The following DNAH8 variants were observed in gnomAD, a reference collection of about 807,000 sequenced individuals.
DNAH8 encodes axonemal beta dynein heavy chain 8.
In DNAH8, 382 loss-of-function variants were observed where a neutral mutation model predicts 562.1. The ratio of observed to expected loss-of-function variants is 0.68; its 90% CI spans 0.63 to 0.74. DNAH8 has a LOEUF of 0.74. DNAH8 is among the 30% of genes least tolerant of loss of function. The pLI, the probability that DNAH8 is intolerant of heterozygous loss-of-function variation, is 0.00. For synonymous variants in DNAH8, 1,881 were observed against 1,919.4 expected, an observed-to-expected ratio of 0.98 and a Z score of 0.52; for missense variants, 5,203 against 5,620.4, an observed-to-expected ratio of 0.93 and a Z score of 2.37.
chr6:38,762,141 G>T (rs897170338), intron 11 of DNAH8, among the ~76,000 whole-genome samples: 1 of 152,062 alleles, frequency 6.6e-6, no homozygotes, highest in African/African-American at 2.4e-5. Context: ...AATAGACATG[G>T]TAGTAGTTGC....
intron 49 of DNAH8, among the ~76,000 whole-genome samples, chr6:38,871,664 T>C (rs143783487): frequency 3.3e-5 from 5 of 152,344 alleles, no homozygotes; most frequent in African/African-American, 9.6e-5. Flanking sequence ...CGGGATGTTA[T>C]AGCAGCGGCT....
At chr6:38,982,618 G>A (rs1462485163) in intron 86 of DNAH8, among the ~76,000 whole-genome samples, 156 bp downstream of exon 86, 7 of 152,192 alleles carry the variant, frequency 4.6e-5, no homozygotes, top group Non-Finnish European at 8.8e-5. Context: ...TGCTGGGGCA[G>A]CCTGTCCCTG....
intron 12 of DNAH8, among the ~76,000 whole-genome samples, chr6:38,772,324 A>G (rs1678652): frequency 0.25 from 38,704 of 151,974 alleles, 5,498 homozygotes; most frequent in East Asian, 0.46. Flanking sequence ...CACCACGCCC[A>G]GCTGAGGTTT....
rs141783416 is a variant in DNAH8 at position 38,818,407 on chromosome 6, A to G, written c.3523+2750A>G. ...TAAGAATTCTATTATCTGCAAAATTATCAACCAAGTACGATGTAAATAGAC... is the reference window on the plus strand; with the variant it reads ...TAAGAATTCTATTATCTGCAAAATTGTCAACCAAGTACGATGTAAATAGAC... On this transcript the variant is annotated intron_variant, in intron 26 of 92. Coordinates refer to ENST00000327475, the MANE Select transcript of DNAH8 (RefSeq NM_001206927.2). 5.1e-3 allele frequency among the ~76,000 whole-genome samples: 783 copies of G among 152,254 alleles called. 7 individuals are homozygous for G. The highest frequency in any genetic ancestry group is 0.018 in the African/African-American group (760 of 41,536).
intron 10 of DNAH8, among the ~76,000 whole-genome samples, chr6:38,756,611 C>G (rs1241104503): frequency 1.3e-5 from 2 of 151,748 alleles, no homozygotes; most frequent in Non-Finnish European, 2.9e-5. Flanking sequence ...TGTTGGTGTG[C>G]TGCACCCATT....
intron 3 of DNAH8, among the ~76,000 whole-genome samples, chr6:38,723,756 G>A (rs897372191): frequency 2.0e-5 from 3 of 151,966 alleles, no homozygotes; most frequent in Admixed American, 6.6e-5. Flanking sequence ...CGTACCTGTG[G>A]TCCCAGCTAC....
intron 10 of DNAH8, among the ~76,000 whole-genome samples, chr6:38,757,238 T>C (rs1295746962): frequency 6.6e-6 from 1 of 152,036 alleles, no homozygotes; most frequent in African/African-American, 2.4e-5. Flanking sequence ...TGGTATCTCA[T>C]TGTGGTTTTG....
chr6:39,011,886 A>G (rs142763002), intron 89 of DNAH8, among the ~76,000 whole-genome samples: 32 of 152,364 alleles, frequency 2.1e-4, no homozygotes, highest in African/African-American at 7.0e-4. Context: ...GTTAGATTGC[A>G]AAAAGAATAT....
intron 88 of DNAH8, among the ~76,000 whole-genome samples, chr6:39,001,095 G>A (rs1414606875): frequency 1.3e-5 from 2 of 152,240 alleles, no homozygotes; most frequent in East Asian, 3.9e-4. Context: ...ATGAGGGAGG[G>A]GGGTGCTTAA....
chr6:38,937,602 C>T (rs150695995), intron 77 of DNAH8, among the ~76,000 whole-genome samples: 3 of 152,222 alleles, frequency 2.0e-5, no homozygotes, highest in Non-Finnish European at 4.4e-5. Context: ...AGCTGTGACA[C>T]TTTGAGGAGA....
intron 65 of DNAH8, among the ~76,000 whole-genome samples, chr6:38,910,695 T>G (rs1780824286): frequency 6.6e-6 from 1 of 152,198 alleles, no homozygotes. Flanking sequence ...TTTTTATATG[T>G]TCTTAGGTTG....
chr6:38,853,578 T>C (rs1314045825), intron 41 of DNAH8, among the ~76,000 whole-genome samples: 1 of 152,062 alleles, frequency 6.6e-6, no homozygotes, highest in Non-Finnish European at 1.5e-5. Flanking sequence ...TATTTTCCCA[T>C]CATGAAGGAT....
rs1168572172 is a variant in DNAH8 at position 38,972,417 on chromosome 6, A to G, written c.12525+752A>G. Among the ~76,000 whole-genome samples, 3 of 152,162 alleles carry G rather than the reference A, an allele frequency of 2.0e-5. No individual in the cohort carries two copies. In the South Asian group the frequency reaches 6.2e-4, roughly 32 times the overall value. ...CTAGTCATTAATTCTCAAATGCCCTAAGCCTCAATCTTTATCACTTAATTA... is the reference window on the plus strand; with the variant it reads ...CTAGTCATTAATTCTCAAATGCCCTGAGCCTCAATCTTTATCACTTAATTA... On this transcript the variant is annotated intron_variant, in intron 83 of 92. Transcript: ENST00000327475.
chr6:39,019,853 C>T (rs906386796), intron 91 of DNAH8, among the ~76,000 whole-genome samples: 1 of 152,090 alleles, frequency 6.6e-6, no homozygotes, highest in African/African-American at 2.4e-5. Flanking sequence ...TGGCCAGAGG[C>T]TGTGGTTGTC....
intron 49 of DNAH8, 71 bp from the exon 50 acceptor site, chr6:38,872,465 C>G: frequency 6.7e-7 from 1 of 1,500,442 alleles, no homozygotes; most frequent in South Asian, 1.3e-5. Flanking sequence ...CTTTAATCTT[C>G]AAGTAGCTAC....
chr6:38,723,953 T>C (rs1762984674), intron 3 of DNAH8, among the ~76,000 whole-genome samples: 1 of 148,584 alleles, frequency 6.7e-6, no homozygotes, highest in Non-Finnish European at 1.5e-5. Context: ...GCCAGTTGAA[T>C]GGTATTTCTT....
intron 48 of DNAH8, among the ~76,000 whole-genome samples, chr6:38,869,959 C>G (rs1330411230): frequency 6.6e-6 from 1 of 152,154 alleles, no homozygotes; most frequent in Non-Finnish European, 1.5e-5. Context: ...TTGATGAACT[C>G]ACAGTTCCAC....
At position 39,012,269 on chromosome 6, in the gene DNAH8, A is replaced by G. The variant is rs935296041; in HGVS notation, c.13426A>G (p.Arg4476Gly). ...GHLNSMNIFL[R>G]QEIDRMQRVI... ...TCTTAATTCAATGAACATATTTCTT[A>G]GACAAGAAATTGACAGAATGCAAAG... Residue 4476 changes from arginine to glycine, a missense_variant, in exon 90 of 93, where the codon AGA becomes GGA. Around this residue, in one of 6 missense-constraint regions of DNAH8, gnomAD observed 1,399 missense variants for 1,518.4 expected, o/e 0.92. Transcript: ENST00000327475. 1.9e-6 allele frequency: 3 copies of G among 1,610,570 alleles called. No homozygotes were observed. In the African/African-American group the frequency reaches 4.0e-5, roughly 22 times the overall value.
rs1359753561 is a variant in DNAH8 at position 38,977,681 on chromosome 6, T to A, written c.12834+3152T>A. On this transcript the variant is annotated intron_variant, in intron 85 of 92. Transcript: ENST00000327475. ...TTAAGCACATTTTCCTCCAAAGTCT[T>A]AGTCTTTTGAAACTCAATCATTACA... Among the ~76,000 whole-genome samples the A allele has an allele frequency of 2.0e-5, 3 of 152,206 alleles. No homozygotes were observed. In the East Asian group the frequency reaches 5.8e-4, roughly 29 times the overall value.
Sources: gnomAD v4.1 joint callset for allele counts (sites outside exome capture counted in the v4.1 genomes callset) on GRCh38, gnomAD v4.1.1 for gene constraint, gnomAD v4.1.1 regional missense constraint, MANE v1.5 for transcripts, NCBI Gene and HGNC (gene_info 2026-07-23, HGNC 2026-07-21) for gene names.